VIL1: variants seen among roughly 807,000 people sequenced by gnomAD.
VIL1 encodes the protein villin-1.
VIL1 carries 86 observed loss-of-function variants against 104.0 expected under a neutral mutation model. The observed-to-expected ratio is 0.83, with a 90% CI of 0.69 to 0.99. The LOEUF (loss-of-function observed/expected upper bound fraction) is 0.99. Among genes scored for constraint, VIL1 ranks in the 50% least tolerant of loss-of-function variants. The probability of loss-of-function intolerance (pLI) is 0.00; values close to 1 mark genes in which losing one functional copy is unlikely to be tolerated. For synonymous variants in VIL1, 394 were observed against 412.6 expected (o/e 0.95, Z 0.55); for missense variants, 944 against 1,054.1 (o/e 0.90, Z 1.45).
At chr2:218,425,525 T>A (rs1688966660) in intron 3 of VIL1, 90 bp from the exon 4 acceptor site, 1 of 1,393,832 alleles carries the variant, frequency 7.2e-7, no homozygotes, top group Non-Finnish European at 1.0e-6. Flanking sequence ...TCCCCCATAG[T>A]CCTGGACGGC....
intron 1 of VIL1, among the ~76,000 whole-genome samples, chr2:218,420,121 C>T (rs1688874889): frequency 2.0e-5 from 3 of 152,138 alleles, no homozygotes; most frequent in Admixed American, 6.5e-5. Context: ...TCAAGTACAA[C>T]AGGGCTCAGA....
chr2:218,428,091 GA>G lies in VIL1; in HGVS notation c.456+19del. The G allele has an allele frequency of 6.2e-7, 1 of 1,613,100 alleles. No homozygotes were observed. The highest frequency in any genetic ancestry group is 8.5e-7 in the Non-Finnish European group (1 of 1,179,100). On this transcript the variant is annotated intron_variant, in intron 5 of 19. Transcript: ENST00000248444. Reference sequence around the variant, plus strand: ...CTGGAGAGGTAGGCAGGCCCCACTGGAGCATCGGCCAGGGCTGTGAGGCCCA... The same window carrying G: ...CTGGAGAGGTAGGCAGGCCCCACTGGGCATCGGCCAGGGCTGTGAGGCCCA...
At chr2:218,420,855 G>A (rs577542606) in intron 1 of VIL1, among the ~76,000 whole-genome samples, 1 of 152,302 alleles carries the variant, frequency 6.6e-6, no homozygotes, top group Non-Finnish European at 1.5e-5. Context: ...AAAGTGCTGG[G>A]ATTACACGCG....
At chr2:218,428,139 G>C in intron 5 of VIL1, 66 bp downstream of exon 5, 1 of 1,594,914 alleles carries the variant, frequency 6.3e-7, no homozygotes, top group Non-Finnish European at 8.6e-7. Context: ...AGGGGCTGAG[G>C]AGGGGTGAGG....
intron 14 of VIL1, among the ~76,000 whole-genome samples, chr2:218,435,003 C>A (rs572352936): frequency 6.6e-6 from 1 of 152,370 alleles, no homozygotes; most frequent in East Asian, 1.9e-4. Context: ...CTTGGGCTCT[C>A]TCTCACTACC....
In VIL1 at chr2:218,434,511, T is replaced by C. The variant is rs1355337465; in HGVS notation, c.1501-15T>C. The C allele has an allele frequency of 1.2e-6, 2 of 1,603,026 alleles. No homozygotes were observed. The highest frequency in any genetic ancestry group is 1.7e-6 in the Non-Finnish European group (2 of 1,174,922). ...CTCCTGACTCTCTCTCCCTGTCTTC[T>C]GCCCTCACCTGCAGGGAGGCACCTC... On this transcript the variant is annotated splice_polypyrimidine_tract_variant and intron_variant, in intron 13 of 19. Coordinates refer to ENST00000248444, the MANE Select transcript of VIL1 (RefSeq NM_007127.3).
intron 15 of VIL1, among the ~76,000 whole-genome samples, chr2:218,435,845 G>GT (rs1689179417): frequency 6.6e-6 from 1 of 152,110 alleles, no homozygotes; most frequent in African/African-American, 2.4e-5. Context: ...GTTTTGTTTT[G>GT]TTTTTGTGAC....
At chr2:218,431,521 C>T (rs1286039009) in intron 10 of VIL1, among the ~76,000 whole-genome samples, 1 of 152,068 alleles carries the variant, frequency 6.6e-6, no homozygotes, top group East Asian at 1.9e-4. Flanking sequence ...AGTGTACAGC[C>T]CCCAACATTG....
chr2:218,443,325 G>A (rs893353002), intron 19 of VIL1, among the ~76,000 whole-genome samples: 1 of 151,034 alleles, frequency 6.6e-6, no homozygotes, highest in African/African-American at 2.4e-5. Context: ...CAGACTCCAA[G>A]TAGCTAGGAT....
Position 218,450,932 on chromosome 2 carries a change from A to G in VIL1, c.*1596A>G, listed in dbSNP as rs1473977673. 1 of 152,250 alleles carries G rather than the reference A, an allele frequency of 6.6e-6. No individual in the cohort carries two copies. The highest frequency in any genetic ancestry group is 2.4e-5 in the African/African-American group (1 of 41,456). 9.4% of individuals were successfully genotyped at this position (152,250 alleles called of 1,614,324 possible). A position where few individuals can be genotyped will look rare whatever the true frequency, so the allele number is the denominator to read the frequency against. On this transcript the variant is annotated 3_prime_UTR_variant, in exon 20 of 20. Coordinates refer to ENST00000248444, the MANE Select transcript of VIL1 (RefSeq NM_007127.3). The stretch of plus-strand genomic sequence containing the variant: ...GACAACTTACTAATTGTGTGTAAGT[A>G]TGATACAATGAATGAGACTGCCTGA...
intron 1 of VIL1, among the ~76,000 whole-genome samples, chr2:218,422,223 T>C (rs954607445): frequency 1.3e-5 from 2 of 151,980 alleles, no homozygotes; most frequent in Non-Finnish European, 2.9e-5. Flanking sequence ...CCATTGTACT[T>C]CAGCCTGGGC....
chr2:218,426,687 T>C (rs998790555), intron 4 of VIL1, among the ~76,000 whole-genome samples: 6 of 151,236 alleles, frequency 4.0e-5, no homozygotes, highest in Non-Finnish European at 7.4e-5. Flanking sequence ...CTGCAAGCTC[T>C]GCCTCCCAGG....
Position 218,432,194 on chromosome 2 carries a change from G to T in VIL1, c.1341+11G>T. 1.2e-6 allele frequency: 2 copies of T among 1,609,004 alleles called. No homozygotes were observed. The highest frequency in any genetic ancestry group is 1.7e-6 in the Non-Finnish European group (2 of 1,178,740). On this transcript the variant is annotated intron_variant, in intron 12 of 19. Coordinates refer to ENST00000248444, the MANE Select transcript of VIL1 (RefSeq NM_007127.3). ...CTCTACGTTTGGCAGGTCAGGTCCCGCCACGTCCCACCCAGAGCACAGCCG... is the reference window on the plus strand; with the variant it reads ...CTCTACGTTTGGCAGGTCAGGTCCCTCCACGTCCCACCCAGAGCACAGCCG...
intron 19 of VIL1, among the ~76,000 whole-genome samples, chr2:218,443,098 AC>A (rs1689308591): frequency 6.6e-6 from 1 of 152,214 alleles, no homozygotes; most frequent in Non-Finnish European, 1.5e-5. Flanking sequence ...AGATGAAGTG[AC>A]TTGCCTAACA....
intron 14 of VIL1, 33 bp from the exon 15 acceptor site, chr2:218,435,256 C>CA: frequency 1.2e-6 from 2 of 1,605,014 alleles, no homozygotes; most frequent in Middle Eastern, 1.7e-4. Flanking sequence ...GTAGGGGTGG[C>CA]ACTAGAAATT....
In VIL1 at chr2:218,433,443, GA is replaced by G. The variant is rs756161512; in HGVS notation, c.1500+504del. On this transcript the variant is annotated intron_variant, in intron 13 of 19. Coordinates refer to ENST00000248444, the MANE Select transcript of VIL1 (RefSeq NM_007127.3). ...GAGGGAGACTCCATCTTTAAAAAAA[GA>G]AAAAAAAAAAATGCCGGTTGCGGTG... 9.4e-3 allele frequency among the ~76,000 whole-genome samples: 1,264 copies of G among 134,632 alleles called. 16 individuals are homozygous for G. Among genetic ancestry groups the G allele is most frequent in the African/African-American group, 0.026 (972 of 36,734 alleles). 88.3% of individuals were successfully genotyped at this position (134,632 alleles called of 152,430 possible).
chr2:218,440,317 T>G (rs933490802), intron 18 of VIL1, among the ~76,000 whole-genome samples: 1 of 152,220 alleles, frequency 6.6e-6, no homozygotes, highest in Non-Finnish European at 1.5e-5. Flanking sequence ...TTGCCCAGGC[T>G]GAAGTGCAGT....
intron 10 of VIL1, chr2:218,431,086 T>G: frequency 1.5e-6 from 1 of 686,338 alleles, no homozygotes; most frequent in Non-Finnish European, 2.4e-6. Context: ...TGGTGGCACA[T>G]GCCTGTAATC....
chr2:218,423,802 C>A lies in VIL1; in HGVS notation c.24C>A (p.Val8=). 6.2e-7 allele frequency: 1 copy of A among 1,614,186 alleles called. No individual in the cohort carries two copies. Among genetic ancestry groups the A allele is most frequent in the South Asian group, 1.1e-5 (1 of 91,078 alleles). The part of the protein sequence containing the change: MTKLSAQ[V]KGSLNITTPG... ...CCATGACCAAGCTGAGCGCCCAAGT[C>A]AAAGGCTCTCTCAACATCACCACCC... Residue 8 remains valine, a synonymous_variant, in exon 2 of 20, where the codon GTC becomes GTA. Coordinates refer to ENST00000248444, the MANE Select transcript of VIL1 (RefSeq NM_007127.3).
Sources: allele counts gnomAD v4.1 joint callset (sites outside exome capture counted in the v4.1 genomes callset), GRCh38; gene constraint gnomAD v4.1.1; transcripts MANE v1.5; gene names NCBI Gene and HGNC (gene_info 2026-07-23, HGNC 2026-07-21).